The following ELAPOR2 variants were observed in gnomAD, a reference collection of about 807,000 sequenced individuals.
The protein encoded by ELAPOR2 is endosome/lysosome-associated apoptosis and autophagy regulator family member 2.
A neutral mutation model predicts 120.7 loss-of-function variants in ELAPOR2; 89 were observed. The observed-to-expected ratio is 0.74, with a 90% CI of 0.62 to 0.88. ELAPOR2 has a LOEUF of 0.88. Ranked by LOEUF, ELAPOR2 falls within the 40% of genes least tolerant of loss-of-function variation. ELAPOR2 has a pLI of 0.00. For synonymous variants in ELAPOR2, 444 were observed against 444.9 expected (o/e 1.00, Z 0.03); for missense variants, 1,134 against 1,251.6 (o/e 0.91, Z 1.42).
intron 1 of ELAPOR2, among the ~76,000 whole-genome samples, chr7:87,055,714 G>A (rs1365383139): frequency 6.6e-6 from 1 of 152,072 alleles, no homozygotes. Context: ...TTCTTTCATG[G>A]CTTCAAATCA....
In ELAPOR2 at chr7:86,905,070, A is replaced by AGAAGGAAGGAAGGAAGGAAGGAAG. The variant is rs201126011; in HGVS notation, c.2558+2576_2558+2599dup. Among the ~76,000 whole-genome samples the AGAAGGAAGGAAGGAAGGAAGGAAG allele has an allele frequency of 1.3e-3, 130 of 98,200 alleles. 1 individual carries two copies. The highest frequency in any genetic ancestry group is 6.0e-3 in the Admixed American group (47 of 7,818). The allele number at this position is 98,200 out of a possible 152,430, so 64.4% of individuals were successfully genotyped here. On this transcript the variant is annotated intron_variant, in intron 18 of 21. Coordinates refer to ENST00000450689, the MANE Select transcript of ELAPOR2 (RefSeq NM_001142749.3). Reference sequence around the variant, plus strand: ...GAATGAATGAGAAAGACAGAGAGAGAGAAGGAAGGAAGGAAGGAAGGAAGG... The same window carrying AGAAGGAAGGAAGGAAGGAAGGAAG: ...GAATGAATGAGAAAGACAGAGAGAGAGAAGGAAGGAAGGAAGGAAGGAAGGAAGGAAGGAAGGAAGGAAGGAAGG...
chr7:86,970,309 A>G (rs1792062763), intron 1 of ELAPOR2, among the ~76,000 whole-genome samples: 1 of 152,194 alleles, frequency 6.6e-6, no homozygotes, highest in African/African-American at 2.4e-5. Flanking sequence ...ACACACACAG[A>G]TGGAAAGGAC....
At chr7:86,907,605 A>G (rs1789082686) in intron 18 of ELAPOR2, 65 bp downstream of exon 18, 1 of 989,804 alleles carries the variant, frequency 1.0e-6, no homozygotes, top group African/African-American at 1.7e-5. Context: ...ATGTTTTAAA[A>G]TAGTAACATT....
At position 86,891,805 on chromosome 7, in the gene ELAPOR2, C is replaced by A; in HGVS notation, c.2949G>T (p.Met983Ile). Residue 983 changes from methionine to isoleucine, a missense_variant, in exon 21 of 22, where the codon ATG becomes ATT. By Grantham distance (10) the Met-to-Ile change is conservative (BLOSUM62 1). Coordinates refer to ENST00000450689, the MANE Select transcript of ELAPOR2 (RefSeq NM_001142749.3). ...CTTCCTCTTCATTATCTTCTCCTTC[C>A]ATGATAGCACAACTGTCTGCAGCCG... ...ELPAADSCAI[M>I]EGEDNEEEVV... 6.2e-7 allele frequency: 1 copy of A among 1,612,272 alleles called. No individual in the cohort carries two copies.
chr7:86,925,490 T>C (rs988067641), intron 10 of ELAPOR2, 38 bp downstream of exon 10: 21 of 1,604,390 alleles, frequency 1.3e-5, no homozygotes, highest in South Asian at 2.2e-5. Flanking sequence ...GATGTCTCTA[T>C]TGCTGAAATA....
At chr7:87,045,655 G>A (rs1385992030) in intron 1 of ELAPOR2, among the ~76,000 whole-genome samples, 1 of 151,632 alleles carries the variant, frequency 6.6e-6, no homozygotes, top group Non-Finnish European at 1.5e-5. Flanking sequence ...TATACCTAAT[G>A]CTAGATGACG....
intron 18 of ELAPOR2, among the ~76,000 whole-genome samples, chr7:86,898,556 G>GA (rs1788554326): frequency 2.1e-5 from 1 of 48,206 alleles, no homozygotes. Context: ...GAGACACAAT[G>GA]ACCAAAAAAA....
intron 1 of ELAPOR2, among the ~76,000 whole-genome samples, chr7:87,052,505 T>A (rs973401029): frequency 6.6e-6 from 1 of 152,226 alleles, no homozygotes; most frequent in African/African-American, 2.4e-5. Context: ...TTCCTTTCTT[T>A]ATACTGAGCG....
chr7:87,012,420 A>T (rs11761758), intron 1 of ELAPOR2, among the ~76,000 whole-genome samples: 18,633 of 152,056 alleles, frequency 0.12, 1,504 homozygotes, highest in Non-Finnish European at 0.16. Flanking sequence ...AAAAGAAATT[A>T]AAAAAAAGTA....
At chr7:86,915,164 G>T (rs1186081288) in intron 12 of ELAPOR2, among the ~76,000 whole-genome samples, 1 of 151,942 alleles carries the variant, frequency 6.6e-6, no homozygotes, top group Non-Finnish European at 1.5e-5. Flanking sequence ...TCATGTGTGT[G>T]ATCTGGCTTG....
At chr7:87,010,259 A>G (rs1421318524) in intron 1 of ELAPOR2, among the ~76,000 whole-genome samples, 2 of 152,212 alleles carry the variant, frequency 1.3e-5, no homozygotes, top group Non-Finnish European at 2.9e-5. Flanking sequence ...CCAGTTGGAA[A>G]TCTTTGAAAC....
intron 10 of ELAPOR2, among the ~76,000 whole-genome samples, chr7:86,925,131 A>G (rs1790008880): frequency 6.6e-6 from 1 of 151,964 alleles, no homozygotes; most frequent in East Asian, 1.9e-4. Flanking sequence ...GGGGAATTTG[A>G]AGTTAGTTAA....
intron 2 of ELAPOR2, among the ~76,000 whole-genome samples, chr7:86,958,647 A>G (rs1347518423): frequency 6.6e-6 from 1 of 152,140 alleles, no homozygotes; most frequent in Non-Finnish European, 1.5e-5. Context: ...ATGCTGCTCC[A>G]CTTGGCACCT....
chr7:87,043,756 C>T (rs1353927768), intron 1 of ELAPOR2, among the ~76,000 whole-genome samples: 1 of 151,436 alleles, frequency 6.6e-6, no homozygotes, highest in Non-Finnish European at 1.5e-5. Flanking sequence ...GAAGTTCTGG[C>T]CAGGGCAATC....
At chr7:87,046,385 C>T (rs1435272423) in intron 1 of ELAPOR2, among the ~76,000 whole-genome samples, 1 of 152,144 alleles carries the variant, frequency 6.6e-6, no homozygotes, top group Non-Finnish European at 1.5e-5. Context: ...AAGCAATCTA[C>T]AGATTTAATG....
chr7:86,948,382 A>G (rs1791094312), intron 2 of ELAPOR2, among the ~76,000 whole-genome samples: 1 of 152,220 alleles, frequency 6.6e-6, no homozygotes, highest in Admixed American at 6.5e-5. Flanking sequence ...TATGCTAATC[A>G]GTGGATAAGC....
chr7:87,057,683 G>A (rs1005486538), intron 1 of ELAPOR2, among the ~76,000 whole-genome samples: 5 of 152,116 alleles, frequency 3.3e-5, no homozygotes, highest in Non-Finnish European at 5.9e-5. Context: ...CTTTGTTTTA[G>A]GTTGCAGACT....
intron 2 of ELAPOR2, among the ~76,000 whole-genome samples, chr7:86,950,026 G>A (rs955363020): frequency 6.6e-6 from 1 of 152,190 alleles, no homozygotes; most frequent in Non-Finnish European, 1.5e-5. Context: ...ACTGCCCATG[G>A]CCGCCCATTG....
At chr7:87,028,638 T>A (rs1195292928) in intron 1 of ELAPOR2, among the ~76,000 whole-genome samples, 1 of 152,186 alleles carries the variant, frequency 6.6e-6, no homozygotes, top group African/African-American at 2.4e-5. Flanking sequence ...TTTCGTAATA[T>A]CCTAACTCCT....
Sources: gnomAD v4.1 joint callset for allele counts (sites outside exome capture counted in the v4.1 genomes callset) on GRCh38, gnomAD v4.1.1 for gene constraint, MANE v1.5 for transcripts, NCBI Gene and HGNC (gene_info 2026-07-23, HGNC 2026-07-21) for gene names.